Variants in ADK observed in about 807,000 individuals in gnomAD.
ADK encodes the protein N6,N6-dimethyladenosine kinase.
ADK carries 24 observed loss-of-function variants against 44.7 expected under a neutral mutation model. That is an observed-to-expected ratio of 0.54 (90% CI 0.39 to 0.76). The LOEUF (loss-of-function observed/expected upper bound fraction) is 0.76, where lower values mean the gene tolerates loss of function less well. Among genes scored for constraint, ADK ranks in the 30% least tolerant of loss-of-function variants. The pLI, the probability that ADK is intolerant of heterozygous loss-of-function variation, is 0.00. For synonymous variants in ADK, 128 were observed against 142.6 expected (o/e 0.90, Z 0.73); for missense variants, 321 against 425.1 (o/e 0.76, Z 2.15).
At chr10:74,557,858 G>A (rs1352468978) in intron 7 of ADK, among the ~76,000 whole-genome samples, 1 of 152,172 alleles carries the variant, frequency 6.6e-6, no homozygotes, top group Middle Eastern at 3.2e-3. Context: ...AATGGATTAG[G>A]AGATTCTTTG....
Position 74,188,193 on chromosome 10 carries a change from T to C in ADK, c.66-12571T>C, listed in dbSNP as rs187221906. 7.0e-3 allele frequency among the ~76,000 whole-genome samples: 1,059 copies of C among 152,302 alleles called. 8 individuals carry two copies. The highest frequency in any genetic ancestry group is 0.013 in the Non-Finnish European group (870 of 68,022). Reference sequence around the variant, plus strand: ...AATTTCCTAATATTCTGTTATTGCCTGTATGAACTGCTGTATGTCTCCATT... The same window carrying C: ...AATTTCCTAATATTCTGTTATTGCCCGTATGAACTGCTGTATGTCTCCATT... On this transcript the variant is annotated intron_variant, in intron 1 of 10. Transcript: ENST00000539909.
intron 2 of ADK, among the ~76,000 whole-genome samples, chr10:74,221,921 G>A (rs1185993920): frequency 6.6e-6 from 1 of 152,150 alleles, no homozygotes; most frequent in African/African-American, 2.4e-5. Flanking sequence ...AAAAACCCTA[G>A]AGGAAAACCT....
At chr10:74,629,438 T>G (rs1431392334) in intron 9 of ADK, among the ~76,000 whole-genome samples, 1 of 152,134 alleles carries the variant, frequency 6.6e-6, no homozygotes, top group Non-Finnish European at 1.5e-5. Flanking sequence ...AATGAGGAGC[T>G]CACGCAAGCA....
chr10:74,160,776 C>T (rs922161959), intron 1 of ADK, among the ~76,000 whole-genome samples: 1 of 81,926 alleles, frequency 1.2e-5, no homozygotes. Context: ...AGGCATTGTT[C>T]GTATATGGGG....
intron 6 of ADK, among the ~76,000 whole-genome samples, chr10:74,522,690 C>T (rs1446213431): frequency 6.6e-6 from 1 of 151,778 alleles, no homozygotes; most frequent in Non-Finnish European, 1.5e-5. Flanking sequence ...AATCGTTGGT[C>T]CCTCAGTTAT....
intron 6 of ADK, among the ~76,000 whole-genome samples, chr10:74,472,082 G>A (rs1158899824): frequency 2.6e-5 from 4 of 152,050 alleles, no homozygotes; most frequent in African/African-American, 4.8e-5. Context: ...GTATGCTCCT[G>A]TAGTCCTACA....
intron 9 of ADK, among the ~76,000 whole-genome samples, chr10:74,663,234 CAA>C (rs199865584): frequency 1.3e-4 from 17 of 129,286 alleles, no homozygotes; most frequent in African/African-American, 1.5e-4. Context: ...GATGCTATCT[CAA>C]AAAAAAAAAA....
intron 4 of ADK, among the ~76,000 whole-genome samples, chr10:74,376,777 CT>C (rs35675013): frequency 0.49 from 65,969 of 135,236 alleles, 17,616 homozygotes; most frequent in Non-Finnish European, 0.62. Flanking sequence ...TCTCTCTCGT[CT>C]TTTTTTTTTT....
chr10:74,166,476 C>G (rs529865469), intron 1 of ADK, among the ~76,000 whole-genome samples: 2 of 152,190 alleles, frequency 1.3e-5, no homozygotes, highest in African/African-American at 2.4e-5. Flanking sequence ...TGTGCCACCA[C>G]GCCCAACTAA....
At chr10:74,491,706 A>C (rs1396306149) in intron 6 of ADK, among the ~76,000 whole-genome samples, 2 of 152,174 alleles carry the variant, frequency 1.3e-5, no homozygotes, top group Non-Finnish European at 2.9e-5. Context: ...TAATTTGATG[A>C]ATGACCTTTC....
chr10:74,645,072 C>T (rs547488289), intron 9 of ADK, among the ~76,000 whole-genome samples: 28 of 152,104 alleles, frequency 1.8e-4, no homozygotes, highest in African/African-American at 6.5e-4. Flanking sequence ...TCTGTATCAG[C>T]TTGTCTAGAA....
At chr10:74,448,544 G>T (rs1043292535) in intron 6 of ADK, among the ~76,000 whole-genome samples, 7 of 151,906 alleles carry the variant, frequency 4.6e-5, no homozygotes, top group African/African-American at 1.5e-4. Context: ...AGACTTTCTA[G>T]ACTCTAACCT....
At chr10:74,295,692 A>C (rs1206003118) in intron 3 of ADK, among the ~76,000 whole-genome samples, 2 of 151,318 alleles carry the variant, frequency 1.3e-5, no homozygotes, top group African/African-American at 4.9e-5. Flanking sequence ...TTATTTCTTA[A>C]ATGTTTGGTG....
intron 3 of ADK, among the ~76,000 whole-genome samples, chr10:74,285,514 A>G (rs184349153): frequency 1.5e-5 from 2 of 134,908 alleles, no homozygotes; most frequent in East Asian, 4.1e-4. Context: ...TGTATTTTAT[A>G]TATTTATACA....
chr10:74,580,013 A>T (rs1164034363), intron 7 of ADK, among the ~76,000 whole-genome samples: 2 of 152,220 alleles, frequency 1.3e-5, no homozygotes, highest in Non-Finnish European at 2.9e-5. Flanking sequence ...CACCTAGTAA[A>T]GCTTCTAAAT....
At chr10:74,172,508 G>A (rs1842192359) in intron 1 of ADK, among the ~76,000 whole-genome samples, 1 of 152,086 alleles carries the variant, frequency 6.6e-6, no homozygotes, top group Non-Finnish European at 1.5e-5. Flanking sequence ...GACCAACATG[G>A]AGAAACCCCA....
At chr10:74,246,355 A>G (rs1465203737) in intron 3 of ADK, among the ~76,000 whole-genome samples, 1 of 152,228 alleles carries the variant, frequency 6.6e-6, no homozygotes, top group African/African-American at 2.4e-5. Context: ...GATCTCAGTC[A>G]GCTTTATTGT....
At chr10:74,237,310 T>C (rs1160938671) in intron 3 of ADK, among the ~76,000 whole-genome samples, 1 of 152,234 alleles carries the variant, frequency 6.6e-6, no homozygotes, top group Non-Finnish European at 1.5e-5. Context: ...TGCTCATCTA[T>C]AAGAAGCAAC....
At chr10:74,480,766 G>T (rs1454768197) in intron 6 of ADK, among the ~76,000 whole-genome samples, 1 of 152,152 alleles carries the variant, frequency 6.6e-6, no homozygotes, top group Non-Finnish European at 1.5e-5. Context: ...ATAGTTTCTA[G>T]CTTATAGAGT....
Sources: gnomAD v4.1 joint callset for allele counts (sites outside exome capture counted in the v4.1 genomes callset) on GRCh38, gnomAD v4.1.1 for gene constraint, MANE v1.5 for transcripts, NCBI Gene and HGNC (gene_info 2026-07-23, HGNC 2026-07-21) for gene names.